DLG2: variants seen among roughly 807,000 people sequenced by gnomAD.
DLG2 encodes the protein disks large homolog 2.
DLG2 carries 45 observed loss-of-function variants against 132.5 expected under a neutral mutation model. The ratio of observed to expected loss-of-function variants is 0.34; its 90% CI spans 0.27 to 0.44. DLG2 has a LOEUF of 0.44. Ranked by LOEUF, DLG2 falls within the 20% of genes least tolerant of loss-of-function variation. The pLI is 1.00. For synonymous variants in DLG2, 424 were observed against 419.6 expected, an observed-to-expected ratio of 1.01 and a Z score of -0.13; for missense variants, 1,045 against 1,196.9, an observed-to-expected ratio of 0.87 and a Z score of 1.87.
At chr11:85,494,891 C>T (rs1441404453) in intron 3 of DLG2, among the ~76,000 whole-genome samples, 1 of 51,402 alleles carries the variant, frequency 1.9e-5, no homozygotes, top group African/African-American at 3.8e-5. Context: ...AAAAGTGATA[C>T]CATAAAAAAA....
intron 11 of DLG2, among the ~76,000 whole-genome samples, chr11:84,050,903 C>T (rs1229941654): frequency 6.6e-6 from 1 of 151,912 alleles, no homozygotes; most frequent in Non-Finnish European, 1.5e-5. Context: ...CAGTACCATG[C>T]TGTTTTGGTT....
At chr11:83,995,069 T>G (rs2093953794) in intron 11 of DLG2, among the ~76,000 whole-genome samples, 1 of 151,374 alleles carries the variant, frequency 6.6e-6, no homozygotes, top group Admixed American at 6.6e-5. Flanking sequence ...AGCAAAGACC[T>G]TAGTTCCAAA....
chr11:85,186,312 A>C (rs1054966067), intron 4 of DLG2, among the ~76,000 whole-genome samples: 1 of 152,082 alleles, frequency 6.6e-6, no homozygotes, highest in Non-Finnish European at 1.5e-5. Context: ...TCAATATATA[A>C]TTATTAATGA....
At chr11:83,945,579 T>C (rs2083636281) in intron 14 of DLG2, among the ~76,000 whole-genome samples, 1 of 152,156 alleles carries the variant, frequency 6.6e-6, no homozygotes, top group African/African-American at 2.4e-5. Context: ...GAAAATAAAA[T>C]AATGCTCTGT....
intron 15 of DLG2, among the ~76,000 whole-genome samples, chr11:83,903,027 T>A (rs1317429652): frequency 2.0e-5 from 3 of 152,198 alleles, no homozygotes; most frequent in Non-Finnish European, 2.9e-5. Context: ...ATCTCCATTT[T>A]ACCCAATTTT....
intron 4 of DLG2, among the ~76,000 whole-genome samples, chr11:85,278,160 A>G (rs927114982): frequency 6.6e-6 from 1 of 152,194 alleles, no homozygotes; most frequent in Non-Finnish European, 1.5e-5. Context: ...TGTCAGACAC[A>G]TGTTTATTAA....
intron 10 of DLG2, among the ~76,000 whole-genome samples, chr11:84,065,748 A>G (rs7122855): frequency 0.81 from 123,012 of 152,116 alleles, 50,598 homozygotes; most frequent in Middle Eastern, 0.93. Context: ...TTATTCTACC[A>G]TTAAGATATA....
chr11:83,844,990 T>G (rs750935244), intron 16 of DLG2, among the ~76,000 whole-genome samples: 2 of 152,144 alleles, frequency 1.3e-5, no homozygotes, highest in Non-Finnish European at 2.9e-5. Flanking sequence ...TAGTTACATT[T>G]TGCATCATAT....
chr11:83,731,508 C>T lies in DLG2; in HGVS notation c.1825+55182G>A, dbSNP rs188740367. On this transcript the variant is annotated intron_variant, in intron 18 of 27. Coordinates refer to ENST00000376104, the MANE Select transcript of DLG2 (RefSeq NM_001142699.3). ...GGTGCATAGTATTCCATGGTGTATA[C>T]GTACCACATTTCTTTATCCAGTCTA... is the stretch of plus-strand genomic sequence containing the variant. 2.5e-3 allele frequency among the ~76,000 whole-genome samples: 379 copies of T among 152,232 alleles called. 2 individuals are homozygous for T. Among genetic ancestry groups the T allele is most frequent in the Non-Finnish European group, 1.5e-3 (101 of 68,006 alleles).
At chr11:84,957,989 G>A (rs984760278) in intron 6 of DLG2, among the ~76,000 whole-genome samples, 5 of 152,078 alleles carry the variant, frequency 3.3e-5, no homozygotes, top group Non-Finnish European at 7.4e-5. Context: ...CAGTGTTTGA[G>A]TCCCATTTGG....
At chr11:83,906,296 C>G (rs979699171) in intron 15 of DLG2, among the ~76,000 whole-genome samples, 2 of 140,166 alleles carry the variant, frequency 1.4e-5, no homozygotes, top group Non-Finnish European at 3.2e-5. Context: ...CACACACACA[C>G]ACACACACAC....
chr11:83,919,086 T>C (rs1591005735), intron 15 of DLG2, among the ~76,000 whole-genome samples: 2 of 152,108 alleles, frequency 1.3e-5, no homozygotes, highest in East Asian at 1.9e-4. Context: ...TGTTGTATTG[T>C]GAAAGTGTGG....
chr11:84,548,004 C>A lies in DLG2; in HGVS notation c.358-13273G>T, dbSNP rs151055180. 4.6e-5 allele frequency among the ~76,000 whole-genome samples: 7 copies of A among 152,204 alleles called. No individual in the cohort carries two copies. The East Asian group carries it at 9.7e-4, about 21-fold the overall frequency. On this transcript the variant is annotated intron_variant, in intron 6 of 27. Transcript: ENST00000376104. ...CCTGTAAGATTTTCAACAATAAAAT[C>A]AAAAATTGGTTTATGTTGTGTAGCA...
At chr11:84,034,012 C>T (rs565860924) in intron 11 of DLG2, among the ~76,000 whole-genome samples, 37 of 152,240 alleles carry the variant, frequency 2.4e-4, no homozygotes, top group African/African-American at 7.0e-4. Context: ...ACCCAGGAGG[C>T]GGAGGTTGCG....
At chr11:84,047,144 C>T (rs1427619557) in intron 11 of DLG2, among the ~76,000 whole-genome samples, 1 of 151,526 alleles carries the variant, frequency 6.6e-6, no homozygotes, top group Non-Finnish European at 1.5e-5. Flanking sequence ...TAGGTAAATG[C>T]CAGTCTTCTA....
intron 7 of DLG2, among the ~76,000 whole-genome samples, chr11:84,403,504 G>A (rs1279814156): frequency 6.6e-6 from 1 of 152,014 alleles, no homozygotes; most frequent in Non-Finnish European, 1.5e-5. Flanking sequence ...AATCTTTTGT[G>A]CTAGACTACC....
At chr11:84,310,991 C>T (rs2098280990) in intron 7 of DLG2, among the ~76,000 whole-genome samples, 1 of 152,184 alleles carries the variant, frequency 6.6e-6, no homozygotes, top group African/African-American at 2.4e-5. Context: ...TCAGCATTTC[C>T]TTACCTCTAA....
chr11:84,392,382 G>T (rs1339219801), intron 7 of DLG2, among the ~76,000 whole-genome samples: 1 of 152,104 alleles, frequency 6.6e-6, no homozygotes, highest in African/African-American at 2.4e-5. Context: ...TATTCACAAG[G>T]TCAGCATTAA....
chr11:85,150,618 C>A (rs78711185), intron 5 of DLG2, among the ~76,000 whole-genome samples: 2,952 of 151,664 alleles, frequency 0.019, 56 homozygotes, highest in Admixed American at 0.037. Context: ...TTGTGACTGG[C>A]TTATTTTGCT....
Sources: allele counts gnomAD v4.1 joint callset (sites outside exome capture counted in the v4.1 genomes callset), GRCh38; gene constraint gnomAD v4.1.1; transcripts MANE v1.5; gene names NCBI Gene and HGNC (gene_info 2026-07-23, HGNC 2026-07-21).